Variants in SCRIB observed in about 807,000 individuals in gnomAD.
SCRIB encodes the protein scribble planar cell polarity protein, also known as protein scribble homolog.
A neutral mutation model predicts 170.0 loss-of-function variants in SCRIB; 72 were observed. That is an observed-to-expected ratio of 0.42 (90% CI 0.35 to 0.52). The LOEUF is 0.52. Among genes scored for constraint, SCRIB ranks in the 20% least tolerant of loss-of-function variants. The probability of loss-of-function intolerance (pLI) is 0.02; values close to 1 mark genes in which losing one functional copy is unlikely to be tolerated. For missense variants in SCRIB, 2,475 were observed against 2,338.5 expected, an observed-to-expected ratio of 1.06 and a Z score of -1.20; for synonymous variants, 1,298 against 1,044.3, an observed-to-expected ratio of 1.24 and a Z score of -4.68.
Position 143,810,914 on chromosome 8 carries a change from G to T in SCRIB, c.1265C>A (p.Pro422His). The change falls in exon 11 of 37, where the codon CCC (proline) becomes CAC (histidine). Residue 422 changes from proline to histidine, a missense_variant. By Grantham distance (77) the Pro-to-His change is moderately conservative. Coordinates refer to ENST00000356994, the MANE Select transcript of SCRIB (RefSeq NM_182706.5). Reference protein sequence around the residue: ...TCYLLPQQPPPSLEDAGQQGS... With the variant: ...TCYLLPQQPPHSLEDAGQQGS... ...GGTTGCCAACAACCTACCGAGGCTG[G>T]GTGGGGGCTGCTGGGGCAGCAAGTA... The T allele has an allele frequency of 6.2e-7, 1 of 1,611,012 alleles. No homozygotes were observed. Among genetic ancestry groups the T allele is most frequent in the Non-Finnish European group, 8.5e-7 (1 of 1,179,704 alleles).
In SCRIB at chr8:143,806,950, A is replaced by G; in HGVS notation, c.2242T>C (p.Ser748Pro). The G allele has an allele frequency of 6.2e-7, 1 of 1,613,174 alleles. No homozygotes were observed. The highest frequency in any genetic ancestry group is 8.5e-7 in the Non-Finnish European group (1 of 1,179,662). The change falls in exon 17 of 37, where the codon TCC becomes CCC. Residue 748 changes from serine to proline, a missense_variant. This residue lies in a region of SCRIB where 1,966 missense variants were observed against 1,742.9 expected (regional missense o/e 1.13). Coordinates refer to ENST00000356994, the MANE Select transcript of SCRIB (RefSeq NM_182706.5). ...LGISIAGGKG[S>P]TPYKGDDEGI... Reference sequence around the variant, plus strand: ...TCGTCGTCCCCCTTATAGGGTGTGGAGCCCTTGCCGCCCGCAATGCTGATG... The same window carrying G: ...TCGTCGTCCCCCTTATAGGGTGTGGGGCCCTTGCCGCCCGCAATGCTGATG...
Position 143,795,074 on chromosome 8 carries a change from G to A in SCRIB, c.3810C>T (p.Ala1270=), listed in dbSNP as rs782651848. 1.9e-6 allele frequency: 3 copies of A among 1,611,266 alleles called. No homozygotes were observed. Among genetic ancestry groups the A allele is most frequent in the Non-Finnish European group, 2.5e-6 (3 of 1,179,314 alleles). The change falls in exon 27 of 37, where the codon GCC becomes GCT. Residue 1270 remains alanine, a synonymous_variant. Transcript: ENST00000356994. The part of the protein sequence containing the change: ...GLQPLKLDYR[A]LAAVPSAGSV... ...TGCCAGCGCTGGGCACGGCGGCCAGGGCGCGGTAGTCCAGCTTCAGGGGCT... is the reference window on the plus strand; with the variant it reads ...TGCCAGCGCTGGGCACGGCGGCCAGAGCGCGGTAGTCCAGCTTCAGGGGCT...
At position 143,803,909 on chromosome 8, in the gene SCRIB, C is replaced by A; in HGVS notation, c.3152G>T (p.Gly1051Val). 6.3e-7 allele frequency: 1 copy of A among 1,589,592 alleles called. No individual in the cohort carries two copies. The highest frequency in any genetic ancestry group is 8.6e-7 in the Non-Finnish European group (1 of 1,167,718). Residue 1051 changes from glycine (G) to valine (V), a missense_variant, in exon 23 of 37, where the codon GGC becomes GTC. Physicochemically the swap from Gly to Val is moderately radical, Grantham distance 109 (BLOSUM62 -3). Around this residue, in one of 3 missense-constraint regions of SCRIB, gnomAD observed 1,966 missense variants for 1,742.9 expected, o/e 1.13. Transcript: ENST00000356994. Reference sequence around the variant, plus strand: ...CAGGATGCGGTCCCCAACCCGCAGGCCGCTGCGAGCGGCCAGGCCCCGCGG... The same window carrying A: ...CAGGATGCGGTCCCCAACCCGCAGGACGCTGCGAGCGGCCAGGCCCCGCGG... ...VLPRGLAARSGLRVGDRILAV... is the reference protein window; with the variant it reads ...VLPRGLAARSVLRVGDRILAV...
rs376011577 is a variant in SCRIB at position 143,810,613 on chromosome 8, G to C, written c.1405-9C>G. 6.2e-7 allele frequency: 1 copy of C among 1,611,134 alleles called. No individual in the cohort carries two copies. The highest frequency in any genetic ancestry group is 1.1e-5 in the South Asian group (1 of 91,030). Reference sequence around the variant, plus strand: ...GCCCGGCGCTGTAGGCCCTGTTGTAGGGACAAGGATGAGCAGCAGCCACAG... The same window carrying C: ...GCCCGGCGCTGTAGGCCCTGTTGTACGGACAAGGATGAGCAGCAGCCACAG... On this transcript the variant is annotated splice_polypyrimidine_tract_variant and intron_variant, in intron 12 of 36. Coordinates refer to ENST00000356994, the MANE Select transcript of SCRIB (RefSeq NM_182706.5).
At chr8:143,814,250 G>A in intron 1 of SCRIB, 132 bp from the exon 2 acceptor site, 1 of 707,306 alleles carries the variant, frequency 1.4e-6, no homozygotes, top group Non-Finnish European at 2.4e-6. Flanking sequence ...GGGTCCTGGG[G>A]TCTAACCACG....
intron 24 of SCRIB, among the ~76,000 whole-genome samples, chr8:143,797,506 T>C (rs2130023466): frequency 6.6e-6 from 1 of 152,324 alleles, no homozygotes; most frequent in Non-Finnish European, 1.5e-5. Context: ...CAGCCTATTA[T>C]ATGCTCTCAA....
At position 143,791,325 on chromosome 8, in the gene SCRIB, G is replaced by T; in HGVS notation, c.4823-17C>A. 1 of 1,585,750 alleles carries T rather than the reference G, an allele frequency of 6.3e-7. No homozygotes were observed. The highest frequency in any genetic ancestry group is 8.6e-7 in the Non-Finnish European group (1 of 1,165,856). ...CCTGCGGGCCTGGAGGGCAGGGACA[G>T]GTGGGCAGTGAGCTGAGGGCAGCTG... On this transcript the variant is annotated splice_polypyrimidine_tract_variant and intron_variant, in intron 36 of 36. Transcript: ENST00000356994.
chr8:143,803,950 A>C lies in SCRIB; in HGVS notation c.3121-10T>G. ...GGCCCCGCGGGAGCACCTGTCAGGG[A>C]GGAGGGTGGCAGCTGGTGGCTGAGG... On this transcript the variant is annotated splice_polypyrimidine_tract_variant and intron_variant, in intron 22 of 36. Coordinates refer to ENST00000356994, the MANE Select transcript of SCRIB (RefSeq NM_182706.5). 1 of 1,575,536 alleles carries C rather than the reference A, an allele frequency of 6.3e-7. No individual in the cohort carries two copies. Among genetic ancestry groups the C allele is most frequent in the Non-Finnish European group, 8.6e-7 (1 of 1,159,170 alleles).
chr8:143,791,997 CA>C lies in SCRIB; in HGVS notation c.4650del (p.Val1551TrpfsTer48). On this transcript the variant is annotated frameshift_variant, in exon 33 of 37. Transcript: ENST00000356994. LOFTEE classifies it high-confidence loss of function. ...PSPAPTPSPTPVEDLGPQTST... is the reference protein window; with the variant it reads ...PSPAPTPSPTXVEDLGPQTST... ...CCTGCCCTGACCCACAGACCTTCCA[CA>C]GGGGTGGGCGACGGGGTGGGCGCAG... 1 of 1,518,846 alleles carries C rather than the reference CA, an allele frequency of 6.6e-7. No homozygotes were observed. The highest frequency in any genetic ancestry group is 8.8e-7 in the Non-Finnish European group (1 of 1,134,840). 94.1% of individuals were successfully genotyped at this position (1,518,846 alleles called of 1,614,324 possible).
Position 143,807,672 on chromosome 8 carries a change from C to T in SCRIB, c.2116-58G>A, listed in dbSNP as rs1587535390. ...TAGCCACCGCCAAGACCACCACCAC[C>T]GCCTCACCCAGCCCCCGCCACAAGC... is the stretch of plus-strand genomic sequence containing the variant. On this transcript the variant is annotated intron_variant, in intron 15 of 36. Transcript: ENST00000356994. 1.1e-5 allele frequency: 15 copies of T among 1,320,150 alleles called. No homozygotes were observed. In the East Asian group the frequency reaches 1.4e-4, roughly 12 times the overall value. The allele number at this position is 1,320,150 out of a possible 1,614,324, so 81.8% of individuals were successfully genotyped here. A position where few individuals can be genotyped will look rare whatever the true frequency, so the allele number is the denominator to read the frequency against.
In SCRIB at chr8:143,803,665, C is replaced by G. The variant is rs1261873602; in HGVS notation, c.3396G>C (p.Glu1132Asp). 6.4e-7 allele frequency: 1 copy of G among 1,563,718 alleles called. No homozygotes were observed. The highest frequency in any genetic ancestry group is 8.6e-7 in the Non-Finnish European group (1 of 1,160,782). Residue 1132 changes from glutamate (E) to aspartate (D), a missense_variant, in exon 23 of 37, where the codon GAG becomes GAC. Physicochemically the swap from Glu to Asp is conservative, Grantham distance 45. This residue lies in a region of SCRIB where 1,966 missense variants were observed against 1,742.9 expected (regional missense o/e 1.13). Coordinates refer to ENST00000356994, the MANE Select transcript of SCRIB (RefSeq NM_182706.5). The stretch of plus-strand genomic sequence containing the variant: ...GGCTCACCTTGGAGATGAAGATGCC[C>G]TCGTCTGTGGGGTCGCGGGGGTTGC... ...HAGNPRDPTD[E>D]GIFISKVSPT...
chr8:143,813,792 C>G (rs367865884), intron 3 of SCRIB, 26 bp downstream of exon 3: 1 of 1,608,388 alleles, frequency 6.2e-7, no homozygotes. Flanking sequence ...TAGCCCCTAC[C>G]GACCCCACCA....
intron 21 of SCRIB, 47 bp downstream of exon 21, chr8:143,804,521 C>T (rs782666386): frequency 6.8e-7 from 1 of 1,479,906 alleles, no homozygotes; most frequent in Non-Finnish European, 8.9e-7. Context: ...AGGCCAGTGC[C>T]CACAGCTGAA....
rs782149373 is a variant in SCRIB, at chr8:143,803,409, C to T, written c.3577G>A (p.Glu1193Lys). The T allele has an allele frequency of 3.8e-6, 6 of 1,587,610 alleles. No homozygotes were observed. Among genetic ancestry groups the T allele is most frequent in the Admixed American group, 1.7e-5 (1 of 59,092 alleles). ...TLTVLVCDGF[E>K]ASTDAALEVS... The stretch of plus-strand genomic sequence containing the variant: ...TCCAGGGCTGCGTCGGTGCTGGCCT[C>T]AAAGCCGTCACAGACCAGCACGGTG... The change falls in exon 24 of 37, where the codon GAG becomes AAG. Residue 1193 changes from glutamate (E) to lysine (K), a missense_variant. Physicochemically the swap from Glu to Lys is moderately conservative, Grantham distance 56. Transcript: ENST00000356994.
intron 24 of SCRIB, among the ~76,000 whole-genome samples, chr8:143,796,158 T>C (rs539603987): frequency 1.3e-5 from 2 of 152,180 alleles, no homozygotes; most frequent in East Asian, 1.9e-4. Context: ...GGGCTTCTGG[T>C]TGGGCACAAG....
intron 15 of SCRIB, 119 bp from the exon 16 acceptor site, chr8:143,807,733 AC>A: frequency 1.2e-6 from 1 of 822,030 alleles, no homozygotes; most frequent in East Asian, 2.5e-5. Flanking sequence ...AGCTCCCTCG[AC>A]TGCCCTGGCA....
At chr8:143,809,516 G>A (rs779615275) in intron 14 of SCRIB, 35 bp downstream of exon 14, 2 of 1,591,420 alleles carry the variant, frequency 1.3e-6, no homozygotes, top group Non-Finnish European at 8.6e-7. Context: ...CACCCAGCAG[G>A]CCCAGCCTCC....
At chr8:143,798,975 G>T (rs1469615073) in intron 24 of SCRIB, among the ~76,000 whole-genome samples, 2 of 152,210 alleles carry the variant, frequency 1.3e-5, no homozygotes, top group African/African-American at 4.8e-5. Flanking sequence ...CTCGCTGCCT[G>T]ATCAAGGGAC....
chr8:143,791,116 G>C lies in SCRIB; in HGVS notation c.*47C>G. 2.2e-6 allele frequency: 3 copies of C among 1,384,240 alleles called. No homozygotes were observed. The South Asian group carries it at 5.7e-5, about 26-fold the overall frequency. 85.7% of individuals were successfully genotyped at this position (1,384,240 alleles called of 1,614,324 possible). A position where few individuals can be genotyped will look rare whatever the true frequency, so the allele number is the denominator to read the frequency against. ...AAGACTTGGGGCAAGGGTGGTGCTG[G>C]AGCTGGCAGGGCCCCCACCCCAAGT... On this transcript the variant is annotated 3_prime_UTR_variant, in exon 37 of 37. Coordinates refer to ENST00000356994, the MANE Select transcript of SCRIB (RefSeq NM_182706.5).
Sources: gnomAD v4.1 joint callset for allele counts (sites outside exome capture counted in the v4.1 genomes callset) on GRCh38, gnomAD v4.1.1 for gene constraint, gnomAD v4.1.1 regional missense constraint, MANE v1.5 for transcripts, NCBI Gene and HGNC (gene_info 2026-07-23, HGNC 2026-07-21) for gene names.